Variants in PCDHA9 observed in about 807,000 individuals in gnomAD.
PCDHA9 encodes protocadherin alpha-9.
A neutral mutation model predicts 62.0 loss-of-function variants in PCDHA9; 62 were observed. The ratio of observed to expected loss-of-function variants is 1.00; its 90% CI spans 0.81 to 1.23. The LOEUF (loss-of-function observed/expected upper bound fraction) is 1.23, where lower values mean the gene tolerates loss of function less well. Among genes scored for constraint, PCDHA9 ranks in the 50% most tolerant of loss-of-function variants. The probability of loss-of-function intolerance (pLI) is 0.00; values close to 1 mark genes in which losing one functional copy is unlikely to be tolerated. For synonymous variants in PCDHA9, 557 were observed against 567.6 expected, an observed-to-expected ratio of 0.98 and a Z score of 0.27; for missense variants, 1,205 against 1,249.8, an observed-to-expected ratio of 0.96 and a Z score of 0.54.
chr5:141,010,923 A>T lies in PCDHA9; in HGVS notation c.*986A>T, dbSNP rs184389417. The T allele has an allele frequency of 4.0e-3, 619 of 153,912 alleles. 3 individuals are homozygous for T. Among genetic ancestry groups the T allele is most frequent in the Admixed American group, 6.2e-3 (95 of 15,302 alleles). The allele number at this position is 153,912 out of a possible 1,614,324, so 9.5% of individuals were successfully genotyped here. A position where few individuals can be genotyped will look rare whatever the true frequency, so the allele number is the denominator to read the frequency against. ...TCCCCTAAACTCTCCTCAAAAGAGA[A>T]TTCAGTCTACAGCCATTTAAATGAT... On this transcript the variant is annotated 3_prime_UTR_variant, in exon 4 of 4. Coordinates refer to ENST00000532602, the MANE Select transcript of PCDHA9 (RefSeq NM_031857.2).
intron 1 of PCDHA9, chr5:140,854,273 T>C (rs1180521058): frequency 1.8e-6 from 1 of 562,180 alleles, no homozygotes; most frequent in Non-Finnish European, 2.3e-6. Flanking sequence ...TTAGTAGAAA[T>C]TGAGTTTAGT....
intron 1 of PCDHA9, among the ~76,000 whole-genome samples, chr5:140,962,962 A>G (rs1273558602): frequency 1.3e-5 from 2 of 152,194 alleles, no homozygotes; most frequent in South Asian, 2.1e-4. Flanking sequence ...CTATCCCTAT[A>G]TAGGAAATTT....
chr5:140,880,327 T>C (rs2058305796), intron 1 of PCDHA9, among the ~76,000 whole-genome samples: 1 of 152,118 alleles, frequency 6.6e-6, no homozygotes, highest in African/African-American at 2.4e-5. Context: ...AATAAGATAC[T>C]AAAAATAAGA....
intron 3 of PCDHA9, 32 bp downstream of exon 3, chr5:140,982,595 G>A (rs1554244629): frequency 6.2e-7 from 1 of 1,609,520 alleles, no homozygotes; most frequent in Non-Finnish European, 8.5e-7. Flanking sequence ...ATTCTTTCTT[G>A]GTTTCTGGAA....
chr5:140,952,546 C>T (rs1449369285), intron 1 of PCDHA9, among the ~76,000 whole-genome samples: 1 of 152,108 alleles, frequency 6.6e-6, no homozygotes, highest in African/African-American at 2.4e-5. Flanking sequence ...CTTCTTTGTC[C>T]ATTTCACTAT....
At chr5:141,008,238 G>A (rs2098366224) in intron 3 of PCDHA9, among the ~76,000 whole-genome samples, 1 of 152,046 alleles carries the variant, frequency 6.6e-6, no homozygotes, top group Admixed American at 6.6e-5. Context: ...TACTGCTCAG[G>A]GACACCAAAT....
At chr5:140,995,837 C>T (rs1554254841) in intron 3 of PCDHA9, among the ~76,000 whole-genome samples, 2 of 152,158 alleles carry the variant, frequency 1.3e-5, no homozygotes, top group Non-Finnish European at 2.9e-5. Context: ...TGCACAGTGC[C>T]TCACATTTCT....
chr5:140,856,816 C>T (rs2044218457), intron 1 of PCDHA9: 2 of 1,593,576 alleles, frequency 1.3e-6, no homozygotes, highest in Admixed American at 1.7e-5. Flanking sequence ...ATCAAGTGAA[C>T]CAAACATTAG....
intron 3 of PCDHA9, among the ~76,000 whole-genome samples, chr5:140,992,004 G>A (rs1165725360): frequency 2.0e-5 from 3 of 147,598 alleles, no homozygotes; most frequent in Non-Finnish European, 3.0e-5. Context: ...TTCATGTTCA[G>A]GCAGAGGTGG....
intron 1 of PCDHA9, among the ~76,000 whole-genome samples, chr5:140,920,717 G>A (rs1042476401): frequency 1.3e-5 from 2 of 152,044 alleles, no homozygotes; most frequent in African/African-American, 2.4e-5. Flanking sequence ...GGTGGTGTGC[G>A]CCTGCAGTCC....
chr5:140,928,903 T>C, intron 1 of PCDHA9: 1 of 1,614,190 alleles, frequency 6.2e-7, no homozygotes, highest in Non-Finnish European at 8.5e-7. Flanking sequence ...TGAAGATGTC[T>C]GGGAACCAGG....
chr5:140,926,985 G>A, intron 1 of PCDHA9: 1 of 1,611,068 alleles, frequency 6.2e-7, no homozygotes, highest in Non-Finnish European at 8.5e-7. Flanking sequence ...AGGAGACGGA[G>A]CGGGGCGTAG....
intron 1 of PCDHA9, among the ~76,000 whole-genome samples, chr5:140,924,441 G>A (rs144532137): frequency 1.3e-5 from 2 of 152,274 alleles, no homozygotes; most frequent in African/African-American, 4.8e-5. Context: ...AAGAGATAAC[G>A]AATGGGTTTG....
intron 3 of PCDHA9, among the ~76,000 whole-genome samples, chr5:141,001,306 A>C (rs1554258083): frequency 6.6e-6 from 1 of 152,174 alleles, no homozygotes; most frequent in African/African-American, 2.4e-5. Context: ...CAGAGATATG[A>C]AATAATTTGC....
intron 1 of PCDHA9, among the ~76,000 whole-genome samples, chr5:140,944,593 T>C (rs187929896): frequency 2.6e-5 from 4 of 152,318 alleles, no homozygotes; most frequent in African/African-American, 9.6e-5. Context: ...AGAATTTCCC[T>C]GGGTAGAGTA....
intron 1 of PCDHA9, among the ~76,000 whole-genome samples, chr5:140,901,267 T>G (rs2153472974): frequency 6.6e-6 from 1 of 152,344 alleles, no homozygotes; most frequent in East Asian, 1.9e-4. Context: ...TTGTGGGGTA[T>G]TACTCAAGAA....
intron 1 of PCDHA9, among the ~76,000 whole-genome samples, chr5:140,953,875 C>T (rs1054189459): frequency 4.6e-5 from 7 of 152,088 alleles, no homozygotes; most frequent in Admixed American, 4.6e-4. Context: ...CTGCACAGAT[C>T]AACCCATCAC....
intron 1 of PCDHA9, among the ~76,000 whole-genome samples, chr5:140,972,660 A>ATTTTT (rs11350929): frequency 8.5e-5 from 10 of 117,262 alleles, no homozygotes; most frequent in Non-Finnish European, 1.6e-4. Context: ...AAGAAACCAA[A>ATTTTT]TTTTTTTTTT....
At chr5:140,990,705 G>A (rs2097408066) in intron 3 of PCDHA9, among the ~76,000 whole-genome samples, 1 of 152,132 alleles carries the variant, frequency 6.6e-6, no homozygotes, top group Non-Finnish European at 1.5e-5. Flanking sequence ...AGATTTATGG[G>A]GATAAGAGCA....
Sources: allele counts gnomAD v4.1 joint callset (sites outside exome capture counted in the v4.1 genomes callset), GRCh38; gene constraint gnomAD v4.1.1; transcripts MANE v1.5; gene names NCBI Gene and HGNC (gene_info 2026-07-23, HGNC 2026-07-21).